Variants in KCNIP4 observed in about 807,000 individuals in gnomAD.
KCNIP4 encodes Kv channel-interacting protein 4.
KCNIP4 carries 12 observed loss-of-function variants against 34.0 expected under a neutral mutation model. The ratio of observed to expected loss-of-function variants is 0.35; its 90% CI spans 0.23 to 0.57. KCNIP4 has a LOEUF of 0.57. KCNIP4 is among the 20% of genes least tolerant of loss of function. KCNIP4 has a pLI of 0.83. For missense variants in KCNIP4, 238 were observed against 311.7 expected (o/e 0.76, Z 1.78); for synonymous variants, 124 against 102.2 (o/e 1.21, Z -1.29).
intron 1 of KCNIP4, among the ~76,000 whole-genome samples, chr4:21,101,254 C>T (rs1747917045): frequency 6.6e-6 from 1 of 152,158 alleles, no homozygotes; most frequent in Non-Finnish European, 1.5e-5. Context: ...TAATGGCCTC[C>T]AGGTCTCTCC....
chr4:20,911,721 CACTCATTGGATTCACACTCTATTTTA>C (rs957876633), intron 1 of KCNIP4, among the ~76,000 whole-genome samples: 1 of 152,140 alleles, frequency 6.6e-6, no homozygotes. Flanking sequence ...AAATGGCCTT[CACTCATTGGATTCACACTCTATTTTA>C]AACCCAGAAA....
intron 1 of KCNIP4, among the ~76,000 whole-genome samples, chr4:21,222,466 T>G (rs530429074): frequency 8.5e-5 from 13 of 152,294 alleles, no homozygotes; most frequent in African/African-American, 3.1e-4. Context: ...TTTATAAAAT[T>G]TCTTTCAATT....
Position 20,899,786 on chromosome 4 carries a change from T to C in KCNIP4, c.62-17077A>G, listed in dbSNP as rs541629472. Among the ~76,000 whole-genome samples the C allele has an allele frequency of 2.6e-5, 4 of 152,294 alleles. No homozygotes were observed. The South Asian group carries it at 8.3e-4, about 32-fold the overall frequency. On this transcript the variant is annotated intron_variant, in intron 1 of 8. Transcript: ENST00000382152. ...AAAGCTTGCAGATAAACTCTGGACA[T>C]CCTTATTAGCCTTATGGAAAAATCC...
intron 1 of KCNIP4, among the ~76,000 whole-genome samples, chr4:21,645,823 T>G (rs918271550): frequency 6.6e-6 from 1 of 151,898 alleles, no homozygotes; most frequent in African/African-American, 2.4e-5. Flanking sequence ...ACCACAACTC[T>G]CAAATCATTT....
chr4:21,543,383 T>C (rs928947427), intron 1 of KCNIP4, among the ~76,000 whole-genome samples: 3 of 152,132 alleles, frequency 2.0e-5, no homozygotes, highest in Admixed American at 1.3e-4. Flanking sequence ...ATCCTAACTA[T>C]TCATTTTTAC....
chr4:21,725,795 G>A (rs995594194), intron 1 of KCNIP4, among the ~76,000 whole-genome samples: 1 of 152,012 alleles, frequency 6.6e-6, no homozygotes, highest in Non-Finnish European at 1.5e-5. Flanking sequence ...GTGATTTCAA[G>A]TTACAAGAAA....
chr4:20,887,168 G>T (rs567886556), intron 1 of KCNIP4, among the ~76,000 whole-genome samples: 6 of 151,776 alleles, frequency 4.0e-5, no homozygotes, highest in African/African-American at 1.4e-4. Flanking sequence ...ACTGAAGAAA[G>T]GATTATGAGC....
chr4:21,861,400 T>G (rs1001924843), intron 1 of KCNIP4, among the ~76,000 whole-genome samples: 1 of 152,164 alleles, frequency 6.6e-6, no homozygotes, highest in African/African-American at 2.4e-5. Context: ...TTAAAAATAT[T>G]CCCAACTTTG....
chr4:21,183,420 A>AT (rs1754988417), intron 1 of KCNIP4, among the ~76,000 whole-genome samples: 1 of 146,518 alleles, frequency 6.8e-6, no homozygotes, highest in South Asian at 2.1e-4. Context: ...TCTATTTTTA[A>AT]TTTTTGGAGG....
chr4:21,622,240 T>C (rs1296798587), intron 1 of KCNIP4, among the ~76,000 whole-genome samples: 1 of 152,170 alleles, frequency 6.6e-6, no homozygotes, highest in African/African-American at 2.4e-5. Context: ...AGTCTTTTAA[T>C]GACTTTACCC....
At chr4:21,395,798 G>T in intron 1 of KCNIP4, among the ~76,000 whole-genome samples, 1 of 152,056 alleles carries the variant, frequency 6.6e-6, no homozygotes, top group Non-Finnish European at 1.5e-5. Context: ...TGATGTGGGG[G>T]TAAGGTAATC....
At chr4:21,390,296 C>G (rs1203763622) in intron 1 of KCNIP4, among the ~76,000 whole-genome samples, 1 of 152,106 alleles carries the variant, frequency 6.6e-6, no homozygotes, top group African/African-American at 2.4e-5. Context: ...TGCAGAAGCT[C>G]TTTAGTTTAC....
intron 1 of KCNIP4, among the ~76,000 whole-genome samples, chr4:21,906,638 A>C (rs547880487): frequency 6.6e-6 from 1 of 152,298 alleles, no homozygotes; most frequent in South Asian, 2.1e-4. Flanking sequence ...CCAGGACATT[A>C]ATACTCTGGC....
intron 1 of KCNIP4, among the ~76,000 whole-genome samples, chr4:21,791,063 A>G (rs1720253186): frequency 6.6e-6 from 1 of 151,604 alleles, no homozygotes; most frequent in Non-Finnish European, 1.5e-5. Context: ...TTAAGGGGCA[A>G]TAACAGACTA....
At chr4:21,293,209 C>T (rs574649967) in intron 1 of KCNIP4, among the ~76,000 whole-genome samples, 51 of 152,236 alleles carry the variant, frequency 3.4e-4, no homozygotes, top group Admixed American at 7.8e-4. Flanking sequence ...TTAATAGAGC[C>T]AGCTACCTTC....
At chr4:21,527,724 T>C (rs943694677) in intron 1 of KCNIP4, among the ~76,000 whole-genome samples, 2 of 152,140 alleles carry the variant, frequency 1.3e-5, no homozygotes, top group South Asian at 2.1e-4. Context: ...CTACGTCAGA[T>C]TTAAAAACTG....
chr4:21,437,880 AGTGTGTGTGTGT>A (rs71655635), intron 1 of KCNIP4, among the ~76,000 whole-genome samples: 2,014 of 143,360 alleles, frequency 0.014, 48 homozygotes, highest in African/African-American at 0.048. Context: ...TTATTTTACA[AGTGTGTGTGTGT>A]GTGTGTGTGT....
At position 21,345,455 on chromosome 4, in the gene KCNIP4, T is replaced by C. The variant is rs1471577147; in HGVS notation, c.62-462746A>G. Among the ~76,000 whole-genome samples, 6 of 152,156 alleles carry C rather than the reference T, an allele frequency of 3.9e-5. No homozygotes were observed. In the East Asian group the frequency reaches 9.6e-4, roughly 24 times the overall value. On this transcript the variant is annotated intron_variant, in intron 1 of 8. Transcript: ENST00000382152. ...ACTAAGTTTGAGGTGATTTGTTACA[T>C]AGTAATGGATAACTAATATAGCAGG...
At chr4:21,231,839 C>T (rs570034641) in intron 1 of KCNIP4, among the ~76,000 whole-genome samples, 1 of 152,032 alleles carries the variant, frequency 6.6e-6, no homozygotes, top group Non-Finnish European at 1.5e-5. Context: ...TTTGTGGAAG[C>T]TTTGGTCTAT....
Sources: gnomAD v4.1 joint callset for allele counts (sites outside exome capture counted in the v4.1 genomes callset) on GRCh38, gnomAD v4.1.1 for gene constraint, MANE v1.5 for transcripts, NCBI Gene and HGNC (gene_info 2026-07-23, HGNC 2026-07-21) for gene names.